KCNK2: variants seen among roughly 807,000 people sequenced by gnomAD.
The protein encoded by KCNK2 is potassium channel subfamily K member 2.
A neutral mutation model predicts 40.5 loss-of-function variants in KCNK2; 21 were observed. The ratio of observed to expected loss-of-function variants is 0.52; its 90% CI spans 0.37 to 0.75. The LOEUF (loss-of-function observed/expected upper bound fraction) is 0.75, where lower values mean the gene tolerates loss of function less well. KCNK2 is among the 30% of genes least tolerant of loss of function. The probability of loss-of-function intolerance (pLI) is 0.00; values close to 1 mark genes in which losing one functional copy is unlikely to be tolerated. For missense variants in KCNK2, 399 were observed against 531.6 expected (o/e 0.75, Z 2.45); for synonymous variants, 191 against 202.2 (o/e 0.94, Z 0.47).
chr1:215,059,241 A>C (rs1658285623), intron 1 of KCNK2, among the ~76,000 whole-genome samples: 2 of 152,178 alleles, frequency 1.3e-5, no homozygotes, highest in African/African-American at 2.4e-5. Flanking sequence ...TCTAGTTCAC[A>C]GAATCTTTCC....
intron 1 of KCNK2, among the ~76,000 whole-genome samples, chr1:215,076,053 G>C (rs970967202): frequency 1.3e-5 from 2 of 152,234 alleles, no homozygotes. Flanking sequence ...GACAATGCTT[G>C]TACGGACATT....
upstream of KCNK2, among the ~76,000 whole-genome samples, chr1:215,077,740 C>T (rs1658997910): frequency 6.6e-6 from 1 of 152,070 alleles, no homozygotes; most frequent in Non-Finnish European, 1.5e-5. Flanking sequence ...CCGAGCTCTT[C>T]TCTCTGTTGG....
intron 2 of KCNK2, among the ~76,000 whole-genome samples, chr1:215,087,865 T>C (rs1242150986): frequency 6.6e-6 from 1 of 152,224 alleles, no homozygotes; most frequent in Non-Finnish European, 1.5e-5. Context: ...CCTCTCAATT[T>C]ACAGCATATG....
In KCNK2 at chr1:215,124,492, A is replaced by G; in HGVS notation, c.358-141A>G. The G allele has an allele frequency of 3.0e-6, 2 of 668,890 alleles. 1 individual carries two copies. The highest frequency in any genetic ancestry group is 3.3e-5 in the South Asian group (2 of 61,218). The allele number at this position is 668,890 out of a possible 1,614,324, so 41.4% of individuals were successfully genotyped here. A position where few individuals can be genotyped will look rare whatever the true frequency, so the allele number is the denominator to read the frequency against. On this transcript the variant is annotated intron_variant, in intron 2 of 6. Coordinates refer to ENST00000444842, the MANE Select transcript of KCNK2 (RefSeq NM_001017425.3). ...ATTCTCCAGTATAAAGTTTTAAGCTATATTATACATTTTAAATGGAAGAGC... is the reference window on the plus strand; with the variant it reads ...ATTCTCCAGTATAAAGTTTTAAGCTGTATTATACATTTTAAATGGAAGAGC...
chr1:215,010,920 A>G (rs1336446835), intron 1 of KCNK2, among the ~76,000 whole-genome samples: 1 of 146,288 alleles, frequency 6.8e-6, no homozygotes, highest in Non-Finnish European at 1.5e-5. Flanking sequence ...ATAAACACAT[A>G]TATTTAAGTT....
chr1:215,128,209 T>C (rs532341382), intron 3 of KCNK2, among the ~76,000 whole-genome samples: 29 of 152,212 alleles, frequency 1.9e-4, no homozygotes, highest in African/African-American at 6.3e-4. Flanking sequence ...GAATTAGGAA[T>C]TTGCTGGGTG....
intron 1 of KCNK2, among the ~76,000 whole-genome samples, chr1:215,039,830 A>G (rs1355539325): frequency 6.6e-6 from 1 of 152,160 alleles, no homozygotes; most frequent in Non-Finnish European, 1.5e-5. Context: ...TCTTCTCTGA[A>G]CATCCTGAGA....
chr1:215,234,821 G>A lies in KCNK2; in HGVS notation c.964-7G>A. ...ATCTTTATCTTTTCTCTGCTTGTAT[G>A]TTCCAGGTGGGAGAGTTCAGAGCAC... On this transcript the variant is annotated splice_polypyrimidine_tract_variant and splice_region_variant and intron_variant, in intron 6 of 6. Transcript: ENST00000444842. 6.3e-7 allele frequency: 1 copy of A among 1,599,658 alleles called. No homozygotes were observed. Among genetic ancestry groups the A allele is most frequent in the South Asian group, 1.1e-5 (1 of 90,704 alleles).
At chr1:215,223,907 TA>T (rs925642330) in intron 6 of KCNK2, among the ~76,000 whole-genome samples, 1 of 152,010 alleles carries the variant, frequency 6.6e-6, no homozygotes, top group Non-Finnish European at 1.5e-5. Context: ...CAGAGAATGT[TA>T]GGTTTTCCAA....
At chr1:215,095,286 C>T (rs1242212831) in intron 2 of KCNK2, among the ~76,000 whole-genome samples, 2 of 152,090 alleles carry the variant, frequency 1.3e-5, no homozygotes, top group African/African-American at 2.4e-5. Flanking sequence ...CAGATTCTTC[C>T]TTATGACCCC....
At chr1:215,167,284 TA>T (rs1356251312) in intron 3 of KCNK2, among the ~76,000 whole-genome samples, 3 of 151,498 alleles carry the variant, frequency 2.0e-5, no homozygotes, top group Non-Finnish European at 2.9e-5. Context: ...ACACGGCCCA[TA>T]ATCTTTGAAC....
At position 215,124,554 on chromosome 1, in the gene KCNK2, A is replaced by T. The variant is rs142854264; in HGVS notation, c.358-79A>T. 261 of 833,798 alleles carry T rather than the reference A, an allele frequency of 3.1e-4. 1 individual carries two copies. The African/African-American group carries it at 4.0e-3, about 13-fold the overall frequency. The allele number at this position is 833,798 out of a possible 1,614,324, so 51.6% of individuals were successfully genotyped here. ...GTTGATTCTCTTTGTCAAATAAGTC[A>T]TTTCTGGGGTGGAATATATGCTGTT... On this transcript the variant is annotated intron_variant, in intron 2 of 6. Transcript: ENST00000444842.
chr1:215,152,758 G>C (rs1662737849), intron 3 of KCNK2, among the ~76,000 whole-genome samples: 2 of 152,104 alleles, frequency 1.3e-5, no homozygotes, highest in Admixed American at 1.3e-4. Context: ...TAACATAATA[G>C]TATGCACTTT....
At chr1:215,033,948 T>C (rs920616935) in intron 1 of KCNK2, among the ~76,000 whole-genome samples, 1 of 152,170 alleles carries the variant, frequency 6.6e-6, no homozygotes, top group African/African-American at 2.4e-5. Context: ...CTTTGCAAGT[T>C]TTATCTCTTG....
At chr1:215,048,725 A>T (rs1006359761) in intron 1 of KCNK2, among the ~76,000 whole-genome samples, 1 of 152,162 alleles carries the variant, frequency 6.6e-6, no homozygotes, top group Non-Finnish European at 1.5e-5. Flanking sequence ...GACAGTAGGG[A>T]TTAAAATCCA....
At chr1:215,074,171 A>G (rs1658854962) in intron 1 of KCNK2, among the ~76,000 whole-genome samples, 1 of 152,168 alleles carries the variant, frequency 6.6e-6, no homozygotes, top group African/African-American at 2.4e-5. Context: ...ACTTTCTTGT[A>G]TGTTTAAGGG....
intron 1 of KCNK2, among the ~76,000 whole-genome samples, chr1:215,048,273 T>G (rs978079679): frequency 1.4e-4 from 21 of 152,210 alleles, no homozygotes; most frequent in African/African-American, 5.1e-4. Flanking sequence ...AGTCATCAGT[T>G]CAGCACTTAA....
At chr1:215,018,905 G>T (rs1012742249) in intron 1 of KCNK2, among the ~76,000 whole-genome samples, 11 of 152,060 alleles carry the variant, frequency 7.2e-5, no homozygotes, top group African/African-American at 2.7e-4. Flanking sequence ...CACAGAAAGG[G>T]AGAGCTCAGG....
At chr1:215,121,586 C>T (rs1003595788) in intron 2 of KCNK2, among the ~76,000 whole-genome samples, 1 of 152,118 alleles carries the variant, frequency 6.6e-6, no homozygotes, top group African/African-American at 2.4e-5. Flanking sequence ...AAGATATTTT[C>T]TCTATAGTAC....
Sources: gnomAD v4.1 joint callset for allele counts (sites outside exome capture counted in the v4.1 genomes callset) on GRCh38, gnomAD v4.1.1 for gene constraint, MANE v1.5 for transcripts, NCBI Gene and HGNC (gene_info 2026-07-23, HGNC 2026-07-21) for gene names.